Variants in SGCD observed in about 807,000 individuals in gnomAD.
SGCD encodes delta-sarcoglycan.
In SGCD, 18 loss-of-function variants were observed where a neutral mutation model predicts 36.6. That is an observed-to-expected ratio of 0.49 (90% CI 0.34 to 0.73). The LOEUF (loss-of-function observed/expected upper bound fraction) is 0.73, where lower values mean the gene tolerates loss of function less well. Among genes scored for constraint, SGCD ranks in the 30% least tolerant of loss-of-function variants. The probability of loss-of-function intolerance (pLI) is 0.01; values close to 1 mark genes in which losing one functional copy is unlikely to be tolerated. For synonymous variants in SGCD, 133 were observed against 130.6 expected (o/e 1.02, Z -0.12); for missense variants, 387 against 346.7 (o/e 1.12, Z -0.92).
At chr5:156,269,194 G>T (rs190471682) in intron 3 of SGCD, among the ~76,000 whole-genome samples, 2 of 152,028 alleles carry the variant, frequency 1.3e-5, no homozygotes, top group Middle Eastern at 3.4e-3. Flanking sequence ...TCTACTGGGC[G>T]CACGGTGGCT....
At chr5:156,115,275 A>G (rs937548143) in intron 1 of SGCD, among the ~76,000 whole-genome samples, 17 of 152,060 alleles carry the variant, frequency 1.1e-4, no homozygotes, top group Admixed American at 2.0e-4. Context: ...ATTTTGGTAA[A>G]CTTTCTTTGT....
At chr5:156,028,882 T>C (rs1041357926) in intron 1 of SGCD, among the ~76,000 whole-genome samples, 2 of 152,194 alleles carry the variant, frequency 1.3e-5, no homozygotes, top group Non-Finnish European at 2.9e-5. Flanking sequence ...AATGTTAATA[T>C]TACTAATTAA....
chr5:156,093,598 A>T (rs548811861), intron 1 of SGCD, among the ~76,000 whole-genome samples: 1 of 152,336 alleles, frequency 6.6e-6, no homozygotes, highest in South Asian at 2.1e-4. Context: ...GCACATCAGT[A>T]ACGTTCCAGG....
At chr5:156,116,573 G>A (rs966815942) in intron 1 of SGCD, among the ~76,000 whole-genome samples, 2 of 152,078 alleles carry the variant, frequency 1.3e-5, no homozygotes, top group African/African-American at 4.8e-5. Flanking sequence ...TGGAAAACAT[G>A]TTTACAGTTT....
chr5:155,730,045 T>C, the SGCD span, among the ~76,000 whole-genome samples: 7 of 152,114 alleles, frequency 4.6e-5, no homozygotes, highest in African/African-American at 1.7e-4. Context: ...TTGAGATTCA[T>C]ACACAAGGGC....
intron 7 of SGCD, among the ~76,000 whole-genome samples, chr5:156,720,934 CA>C (rs1755464652): frequency 6.6e-6 from 1 of 152,104 alleles, no homozygotes. Flanking sequence ...ACTAGGATGG[CA>C]GCAGTAGACA....
chr5:156,619,796 G>A (rs116219743), intron 6 of SGCD, among the ~76,000 whole-genome samples: 2,519 of 152,258 alleles, frequency 0.017, 70 homozygotes, highest in African/African-American at 0.057. Context: ...AATTTCATTT[G>A]CTTATTTGAT....
rs1360166173 is a variant in SGCD, at chr5:156,691,218, A to AAAAC, written c.575+43685_575+43686insCAAA. On this transcript the variant is annotated intron_variant, in intron 7 of 8. Transcript: ENST00000337851. ...CGAGACTCTGTCTCAAAAAAAAAAAAAAAAAAAAGAGAGAGACCCAAACTT... is the reference window on the plus strand; with the variant it reads ...CGAGACTCTGTCTCAAAAAAAAAAAAAAACAAAAAAAAGAGAGAGACCCAAACTT... Among the ~76,000 whole-genome samples, 30 of 150,750 alleles carry AAAAC rather than the reference A, an allele frequency of 2.0e-4. 1 individual carries two copies. Among genetic ancestry groups the AAAAC allele is most frequent in the Middle Eastern group, 6.8e-3 (2 of 292 alleles).
At chr5:156,213,046 G>GA (rs902126438) in intron 3 of SGCD, among the ~76,000 whole-genome samples, 1 of 151,374 alleles carries the variant, frequency 6.6e-6, no homozygotes, top group African/African-American at 2.4e-5. Flanking sequence ...CATCAAAAAA[G>GA]AAAAAATGTT....
At chr5:155,951,241 T>G (rs1408532844) in intron 1 of SGCD, among the ~76,000 whole-genome samples, 1 of 152,194 alleles carries the variant, frequency 6.6e-6, no homozygotes, top group Non-Finnish European at 1.5e-5. Context: ...AGGATCATTA[T>G]AGCTGCACTC....
intron 3 of SGCD, among the ~76,000 whole-genome samples, chr5:156,220,935 T>C (rs1363496714): frequency 2.0e-5 from 3 of 152,116 alleles, no homozygotes; most frequent in Non-Finnish European, 2.9e-5. Flanking sequence ...TGTGGCTCCA[T>C]GTGGCATAAC....
intron 4 of SGCD, 67 bp downstream of exon 4, chr5:156,508,769 T>C (rs1756813532): frequency 1.1e-6 from 1 of 941,398 alleles, no homozygotes; most frequent in Admixed American, 2.2e-5. Flanking sequence ...GGAATTGATC[T>C]TGCTATCAGC....
At chr5:156,472,905 G>C (rs963773642) in intron 3 of SGCD, among the ~76,000 whole-genome samples, 4 of 152,118 alleles carry the variant, frequency 2.6e-5, no homozygotes, top group African/African-American at 9.7e-5. Flanking sequence ...GGAGACTTTG[G>C]AAAGTGACAA....
chr5:156,354,436 A>G (rs1769405557), intron 3 of SGCD, among the ~76,000 whole-genome samples: 1 of 152,202 alleles, frequency 6.6e-6, no homozygotes, highest in African/African-American at 2.4e-5. Context: ...AAGGCTGCAA[A>G]TTATAGACTT....
rs558513039 is a variant in SGCD, at chr5:156,570,860, T to A, written c.295-18371T>A. ...TTCCCCAGCTTTCTCTTAGTAAGAC[T>A]TTGCCTAGGGTGTCTTTTGCCATAT... On this transcript the variant is annotated intron_variant, in intron 4 of 8. Coordinates refer to ENST00000337851, the MANE Select transcript of SGCD (RefSeq NM_000337.6). 2.6e-5 allele frequency among the ~76,000 whole-genome samples: 4 copies of A among 152,290 alleles called. No individual in the cohort carries two copies. The South Asian group carries it at 8.3e-4, about 32-fold the overall frequency.
chr5:156,681,647 T>C (rs1413485055), intron 7 of SGCD, among the ~76,000 whole-genome samples: 1 of 152,200 alleles, frequency 6.6e-6, no homozygotes, highest in Non-Finnish European at 1.5e-5. Context: ...TAGATGATTA[T>C]GTTTGACGCT....
intron 1 of SGCD, among the ~76,000 whole-genome samples, chr5:155,968,180 G>A (rs892173485): frequency 2.0e-5 from 3 of 152,014 alleles, no homozygotes; most frequent in African/African-American, 7.2e-5. Flanking sequence ...GTGTTTTGTG[G>A]ATGTTCTAAT....
At chr5:156,071,914 T>C (rs930801068) in intron 1 of SGCD, among the ~76,000 whole-genome samples, 21 of 152,176 alleles carry the variant, frequency 1.4e-4, no homozygotes, top group Non-Finnish European at 1.8e-4. Context: ...TGATCTTTGT[T>C]GGTTTAAAGT....
intron 3 of SGCD, among the ~76,000 whole-genome samples, chr5:156,453,198 G>T (rs1276907242): frequency 1.3e-5 from 2 of 152,144 alleles, no homozygotes; most frequent in African/African-American, 2.4e-5. Flanking sequence ...TATTAGAGGA[G>T]AAATAAGATA....
Sources: gnomAD v4.1 joint callset for allele counts (sites outside exome capture counted in the v4.1 genomes callset) on GRCh38, gnomAD v4.1.1 for gene constraint, MANE v1.5 for transcripts, NCBI Gene and HGNC (gene_info 2026-07-23, HGNC 2026-07-21) for gene names.